VPS8: variants seen among roughly 807,000 people sequenced by gnomAD.
VPS8 encodes the protein VPS8 subunit of CORVET complex.
In VPS8, 129 loss-of-function variants were observed where a neutral mutation model predicts 216.4. The ratio of observed to expected loss-of-function variants is 0.60; its 90% confidence interval spans 0.52 to 0.69. VPS8 has a LOEUF of 0.69. Ranked by LOEUF, VPS8 falls within the 30% of genes least tolerant of loss-of-function variation. VPS8 has a pLI of 0.00. For missense variants in VPS8, 1,531 were observed against 1,683.5 expected (o/e 0.91, Z 1.59); for synonymous variants, 571 against 565.4 (o/e 1.01, Z -0.14).
intron 34 of VPS8, among the ~76,000 whole-genome samples, chr3:184,935,145 T>C (rs1741374227): frequency 6.6e-6 from 1 of 151,958 alleles, no homozygotes; most frequent in Non-Finnish European, 1.5e-5. Flanking sequence ...CTGGGCAACA[T>C]AGCAAGACCC....
At chr3:184,926,333 C>T (rs562169808) in intron 30 of VPS8, among the ~76,000 whole-genome samples, 14 of 151,570 alleles carry the variant, frequency 9.2e-5, no homozygotes, top group African/African-American at 2.7e-4. Context: ...ACTGAGATCG[C>T]GCCACTGCAC....
At chr3:184,865,786 G>A (rs1462942597) in intron 16 of VPS8, among the ~76,000 whole-genome samples, 3 of 152,090 alleles carry the variant, frequency 2.0e-5, no homozygotes, top group South Asian at 2.1e-4. Flanking sequence ...TCAGGAGTTC[G>A]AGACCAGCCT....
intron 3 of VPS8, 77 bp downstream of exon 3, chr3:184,826,308 T>G: frequency 9.1e-7 from 1 of 1,104,660 alleles, no homozygotes; most frequent in South Asian, 1.5e-5. Flanking sequence ...TTATCATACA[T>G]GCACCTAGAT....
chr3:184,988,775 T>A (rs1751480272), intron 42 of VPS8, among the ~76,000 whole-genome samples: 1 of 152,230 alleles, frequency 6.6e-6, no homozygotes, highest in African/African-American at 2.4e-5. Flanking sequence ...AATCTTTCTG[T>A]TCATGAACAT....
In VPS8 at chr3:184,838,722, A is replaced by G; in HGVS notation, c.456A>G (p.Val152=). ...SAQIVSAADK[V]DAGLPTAIAV... ...TTTAAAATTTCATTTAGGACAAAGTAGATGCTGGCTTGCCTACAGCAATTG... is the reference window on the plus strand; with the variant it reads ...TTTAAAATTTCATTTAGGACAAAGTGGATGCTGGCTTGCCTACAGCAATTG... Residue 152 remains valine (V), a synonymous_variant, in exon 6 of 48, where the codon GTA becomes GTG. Coordinates refer to ENST00000625842, the MANE Select transcript of VPS8 (RefSeq NM_001009921.3). The G allele has an allele frequency of 6.5e-7, 1 of 1,543,090 alleles. No individual in the cohort carries two copies. The highest frequency in any genetic ancestry group is 1.2e-5 in the South Asian group (1 of 80,496).
chr3:184,882,969 A>C (rs765487316), intron 21 of VPS8, among the ~76,000 whole-genome samples: 2 of 152,150 alleles, frequency 1.3e-5, no homozygotes, highest in Non-Finnish European at 2.9e-5. Flanking sequence ...TGTCAGTTCT[A>C]ATCAGGAAGA....
chr3:184,878,492 AT>A (rs1433794634), intron 21 of VPS8, among the ~76,000 whole-genome samples: 1 of 152,206 alleles, frequency 6.6e-6, no homozygotes, highest in African/African-American at 2.4e-5. Flanking sequence ...GGGTCAGATA[AT>A]TCAAGGCTAT....
At chr3:184,942,520 A>C (rs1365099672) in intron 36 of VPS8, among the ~76,000 whole-genome samples, 1 of 152,148 alleles carries the variant, frequency 6.6e-6, no homozygotes, top group African/African-American at 2.4e-5. Context: ...TCACAGCCAA[A>C]TTTCTAGCTT....
intron 46 of VPS8, among the ~76,000 whole-genome samples, chr3:185,038,782 T>G (rs981622401): frequency 6.6e-6 from 1 of 152,194 alleles, no homozygotes; most frequent in Non-Finnish European, 1.5e-5. Context: ...TGAATGCTGT[T>G]GGAAGCACGG....
intron 46 of VPS8, among the ~76,000 whole-genome samples, chr3:185,034,106 G>A (rs1031327001): frequency 3.9e-5 from 6 of 152,058 alleles, no homozygotes; most frequent in Non-Finnish European, 5.9e-5. Flanking sequence ...ATGTGTGCTC[G>A]ATGTTTAGCT....
intron 45 of VPS8, among the ~76,000 whole-genome samples, chr3:185,002,427 C>T (rs545244968): frequency 7.7e-4 from 117 of 152,230 alleles, no homozygotes; most frequent in Non-Finnish European, 1.3e-3. Flanking sequence ...AAGAAAGGTT[C>T]GGAAACCATT....
At chr3:184,895,968 A>G (rs1486484692) in intron 23 of VPS8, among the ~76,000 whole-genome samples, 1 of 151,882 alleles carries the variant, frequency 6.6e-6, no homozygotes, top group African/African-American at 2.4e-5. Flanking sequence ...ATTAGTCCTA[A>G]TAATGAGCAT....
intron 38 of VPS8, among the ~76,000 whole-genome samples, chr3:184,964,822 G>C (rs1747120859): frequency 6.6e-6 from 1 of 152,128 alleles, no homozygotes; most frequent in Non-Finnish European, 1.5e-5. Context: ...ACCACAATCT[G>C]TTTGCCCATT....
At chr3:184,909,007 C>T (rs183239176) in intron 25 of VPS8, among the ~76,000 whole-genome samples, 192 of 152,284 alleles carry the variant, frequency 1.3e-3, no homozygotes, top group African/African-American at 4.4e-3. Context: ...AGGTTTCATC[C>T]GGACCAGTAA....
At chr3:185,037,655 C>CT (rs1048884667) in intron 46 of VPS8, among the ~76,000 whole-genome samples, 1 of 152,024 alleles carries the variant, frequency 6.6e-6, no homozygotes, top group African/African-American at 2.4e-5. Flanking sequence ...TTTCTTCATT[C>CT]TTTTTTCTCT....
chr3:185,048,419 C>T (rs1183771292), intron 46 of VPS8, 60 bp from the exon 47 acceptor site: 57 of 1,523,626 alleles, frequency 3.7e-5, no homozygotes, highest in Non-Finnish European at 4.2e-5. Flanking sequence ...TCGTGTAGAG[C>T]AAGTTGAGAG....
intron 36 of VPS8, among the ~76,000 whole-genome samples, chr3:184,946,469 G>A (rs1327849324): frequency 1.3e-5 from 2 of 152,176 alleles, no homozygotes; most frequent in African/African-American, 4.8e-5. Flanking sequence ...CTTTGCAGTG[G>A]CAGCTTCATA....
intron 39 of VPS8, among the ~76,000 whole-genome samples, chr3:184,969,108 T>C (rs1246370911): frequency 1.3e-5 from 2 of 152,154 alleles, no homozygotes; most frequent in Non-Finnish European, 2.9e-5. Flanking sequence ...TTTAGTGTTA[T>C]AAGAATAACT....
chr3:185,000,561 A>AT (rs1229204138), intron 45 of VPS8, among the ~76,000 whole-genome samples: 3 of 150,668 alleles, frequency 2.0e-5, no homozygotes, highest in Non-Finnish European at 4.4e-5. Context: ...TGGCCTTCAC[A>AT]TTCACATCAC....
Sources: allele counts gnomAD v4.1 joint callset (sites outside exome capture counted in the v4.1 genomes callset), GRCh38; gene constraint gnomAD v4.1.1; transcripts MANE v1.5; gene names NCBI Gene and HGNC (gene_info 2026-07-23, HGNC 2026-07-21).